PALLD: variants seen among roughly 807,000 people sequenced by gnomAD.
PALLD encodes palladin, cytoskeletal associated protein, also known as palladin.
In PALLD, 61 loss-of-function variants were observed where a neutral mutation model predicts 123.5. That is an observed-to-expected ratio of 0.49 (90% CI 0.40 to 0.61). The LOEUF is 0.61. Among genes scored for constraint, PALLD ranks in the 20% least tolerant of loss-of-function variants. The pLI, the probability that PALLD is intolerant of heterozygous loss-of-function variation, is 0.00. For synonymous variants in PALLD, 465 were observed against 496.4 expected, an observed-to-expected ratio of 0.94 and a Z score of 0.84; for missense variants, 1,273 against 1,377.0, an observed-to-expected ratio of 0.92 and a Z score of 1.20.
intron 10 of PALLD, among the ~76,000 whole-genome samples, chr4:168,851,124 A>G (rs574407555): frequency 6.6e-5 from 10 of 151,864 alleles, no homozygotes; most frequent in Admixed American, 3.3e-4. Flanking sequence ...CCTTCCTCCC[A>G]TGTGTCTCTA....
intron 2 of PALLD, among the ~76,000 whole-genome samples, chr4:168,640,150 G>A (rs922090107): frequency 6.6e-6 from 1 of 152,094 alleles, no homozygotes; most frequent in Non-Finnish European, 1.5e-5. Flanking sequence ...AGCGATAGCC[G>A]GGCCTCACTG....
rs1413581833 is a variant in PALLD at position 168,832,160 on chromosome 4, C to T, written c.1965-58762C>T. On this transcript the variant is annotated intron_variant, in intron 10 of 21. Coordinates refer to ENST00000505667, the MANE Select transcript of PALLD (RefSeq NM_001166108.2). ...AATCGGGCAGCAGCGGGAGGCGGCC[C>T]GGAGAGCCGAGGTAGGCGCGGGGAA... 7 of 985,470 alleles carry T rather than the reference C, an allele frequency of 7.1e-6. 1 individual carries two copies. Among genetic ancestry groups the T allele is most frequent in the Middle Eastern group, 5.2e-4 (1 of 1,916 alleles). 61.0% of individuals were successfully genotyped at this position (985,470 alleles called of 1,614,324 possible).
intron 10 of PALLD, among the ~76,000 whole-genome samples, chr4:168,871,739 C>A (rs1751105797): frequency 6.6e-6 from 1 of 152,186 alleles, no homozygotes; most frequent in Non-Finnish European, 1.5e-5. Flanking sequence ...GATTCCTCCC[C>A]CAAAAAGAGG....
At chr4:168,782,966 C>T (rs539640396) in intron 10 of PALLD, among the ~76,000 whole-genome samples, 15 of 151,522 alleles carry the variant, frequency 9.9e-5, no homozygotes, top group Non-Finnish European at 2.1e-4. Context: ...AGCAGTGGGC[C>T]AGATTTGGAC....
At chr4:168,737,264 A>C (rs532367189) in intron 10 of PALLD, among the ~76,000 whole-genome samples, 1 of 152,320 alleles carries the variant, frequency 6.6e-6, no homozygotes, top group South Asian at 2.1e-4. Flanking sequence ...TAACTCAAAG[A>C]TTCTTGCTAT....
chr4:168,590,321 A>C (rs58748341), intron 2 of PALLD, among the ~76,000 whole-genome samples: 15,059 of 152,260 alleles, frequency 0.099, 805 homozygotes, highest in Admixed American at 0.13. Context: ...CAGCCTGGGC[A>C]ACAAGAGCAA....
intron 10 of PALLD, among the ~76,000 whole-genome samples, chr4:168,724,602 G>A (rs1786361197): frequency 6.6e-6 from 1 of 152,222 alleles, no homozygotes; most frequent in Non-Finnish European, 1.5e-5. Context: ...TTTTAAGAAT[G>A]ATGAACATAT....
intron 17 of PALLD, among the ~76,000 whole-genome samples, chr4:168,918,483 A>G (rs1048042344): frequency 6.6e-6 from 1 of 152,190 alleles, no homozygotes; most frequent in Non-Finnish European, 1.5e-5. Context: ...AATATAAAAA[A>G]GTTGAACTCA....
At chr4:168,897,249 A>T (rs774772180) in intron 13 of PALLD, among the ~76,000 whole-genome samples, 4 of 152,238 alleles carry the variant, frequency 2.6e-5, no homozygotes, top group Non-Finnish European at 5.9e-5. Context: ...TCAAGGGATT[A>T]ATTTGATAGT....
chr4:168,769,331 A>T (rs192478546), intron 10 of PALLD, among the ~76,000 whole-genome samples: 622 of 152,312 alleles, frequency 4.1e-3, no homozygotes, highest in Non-Finnish European at 6.9e-3. Context: ...ACTTTGCCTC[A>T]TCTGTATAAG....
At chr4:168,859,323 C>T (rs953024927) in intron 10 of PALLD, among the ~76,000 whole-genome samples, 5 of 152,172 alleles carry the variant, frequency 3.3e-5, no homozygotes, top group African/African-American at 1.2e-4. Context: ...TGTAGTTGAT[C>T]TGAACAGGAT....
chr4:168,732,756 C>T (rs547066549), intron 10 of PALLD, among the ~76,000 whole-genome samples: 4 of 152,172 alleles, frequency 2.6e-5, no homozygotes, highest in Non-Finnish European at 5.9e-5. Flanking sequence ...AAATATGACT[C>T]ATCAGAACAT....
chr4:168,828,004 G>A lies in PALLD; in HGVS notation c.1965-62918G>A, dbSNP rs560225673. 2.0e-5 allele frequency among the ~76,000 whole-genome samples: 3 copies of A among 152,312 alleles called. No individual in the cohort carries two copies. The East Asian group carries it at 5.8e-4, about 29-fold the overall frequency. On this transcript the variant is annotated intron_variant, in intron 10 of 21. Coordinates refer to ENST00000505667, the MANE Select transcript of PALLD (RefSeq NM_001166108.2). ...TGCAGTGAGCCGAGATCACGCCATT[G>A]CACTCCAGCCCGGGTAACACTGCAG...
At chr4:168,890,242 T>A (rs924443265) in intron 10 of PALLD, among the ~76,000 whole-genome samples, 5 of 152,160 alleles carry the variant, frequency 3.3e-5, no homozygotes, top group African/African-American at 1.2e-4. Context: ...ATATCACCTG[T>A]CCTAAGAGCC....
At chr4:168,513,865 G>A (rs533757837) in intron 2 of PALLD, among the ~76,000 whole-genome samples, 1 of 152,156 alleles carries the variant, frequency 6.6e-6, no homozygotes, top group South Asian at 2.1e-4. Flanking sequence ...AGCACTTTGG[G>A]AGATTGAGGT....
intron 10 of PALLD, among the ~76,000 whole-genome samples, chr4:168,797,928 T>G (rs1738751638): frequency 6.6e-6 from 1 of 151,602 alleles, no homozygotes; most frequent in African/African-American, 2.4e-5. Flanking sequence ...TTTTGCAACT[T>G]CCCTTCTGAT....
chr4:168,631,881 C>A, intron 2 of PALLD: 1 of 985,448 alleles, frequency 1.0e-6, no homozygotes, highest in Non-Finnish European at 1.2e-6. Flanking sequence ...TGGGGGCAGA[C>A]GGCGTTTTGC....
At chr4:168,808,478 T>C (rs1168572199) in intron 10 of PALLD, among the ~76,000 whole-genome samples, 2 of 151,972 alleles carry the variant, frequency 1.3e-5, no homozygotes, top group Non-Finnish European at 2.9e-5. Context: ...AGACTCCATC[T>C]CAAAAAAACA....
Position 168,896,532 on chromosome 4 carries a change from T to G in PALLD, c.2200-17T>G. The G allele has an allele frequency of 2.1e-6, 3 of 1,427,190 alleles. No individual in the cohort carries two copies. Among genetic ancestry groups the G allele is most frequent in the Non-Finnish European group, 2.9e-6 (3 of 1,046,922 alleles). The allele number at this position is 1,427,190 out of a possible 1,614,324, so 88.4% of individuals were successfully genotyped here. ...TTTCTATTATTAGTCTTCACATCTT[T>G]TTTTCTACCATTACAGGACATTGGT... On this transcript the variant is annotated splice_polypyrimidine_tract_variant and intron_variant, in intron 12 of 21. Coordinates refer to ENST00000505667, the MANE Select transcript of PALLD (RefSeq NM_001166108.2).
Sources: allele counts gnomAD v4.1 joint callset (sites outside exome capture counted in the v4.1 genomes callset), GRCh38; gene constraint gnomAD v4.1.1; transcripts MANE v1.5; gene names NCBI Gene and HGNC (gene_info 2026-07-23, HGNC 2026-07-21).